The following CD276 variants were observed in gnomAD, a reference collection of about 807,000 sequenced individuals.
CD276 encodes CD276 molecule, also known as CD276 antigen.
Under a neutral mutation model 50.0 loss-of-function variants are expected in CD276, and 34 were observed. The ratio of observed to expected loss-of-function variants is 0.68; its 90% CI spans 0.52 to 0.91. The LOEUF (loss-of-function observed/expected upper bound fraction) is 0.91, where lower values mean the gene tolerates loss of function less well. Ranked by LOEUF, CD276 falls within the 40% of genes least tolerant of loss-of-function variation. CD276 has a pLI of 0.00. For synonymous variants in CD276, 275 were observed against 313.0 expected, an observed-to-expected ratio of 0.88 and a Z score of 1.28; for missense variants, 634 against 717.5, an observed-to-expected ratio of 0.88 and a Z score of 1.33.
chr15:73,710,679 C>T (rs1900860183), intron 8 of CD276, among the ~76,000 whole-genome samples: 1 of 152,240 alleles, frequency 6.6e-6, no homozygotes, highest in South Asian at 2.1e-4. Context: ...GATCAGACCT[C>T]ATTCTTCATG....
Position 73,699,716 on chromosome 15 carries a change from C to T in CD276, c.77C>T (p.Thr26Ile). 1 of 1,602,218 alleles carries T rather than the reference C, an allele frequency of 6.2e-7. No individual in the cohort carries two copies. Among genetic ancestry groups the T allele is most frequent in the Non-Finnish European group, 8.5e-7 (1 of 1,173,780 alleles). The change falls in exon 2 of 10, where the codon ACA (threonine) becomes ATA (isoleucine). Residue 26 changes from threonine (T) to isoleucine (I), a missense_variant and splice_region_variant. Physicochemically the swap from Thr to Ile is moderately conservative, Grantham distance 89 (BLOSUM62 -1). Transcript: ENST00000318443. ...AALGALWFCL[T>I]GALEVQVPED... ...CTGGGAGCACTGTGGTTCTGCCTCA[C>T]AGGTGAGGGTAGCAGCATGGGGACG...
intron 1 of CD276, chr15:73,686,312 C>G: frequency 2.0e-6 from 2 of 984,906 alleles, no homozygotes; most frequent in Non-Finnish European, 2.4e-6. Flanking sequence ...AGGTAAGGAG[C>G]CTGTGTTAAT....
chr15:73,692,935 C>T (rs959676330), intron 1 of CD276, among the ~76,000 whole-genome samples: 2 of 152,234 alleles, frequency 1.3e-5, no homozygotes, highest in Non-Finnish European at 2.9e-5. Flanking sequence ...CTAGTAGGCA[C>T]TTGCATGGCT....
At chr15:73,691,850 G>T (rs1302477745) in intron 1 of CD276, among the ~76,000 whole-genome samples, 2 of 152,220 alleles carry the variant, frequency 1.3e-5, no homozygotes, top group Non-Finnish European at 2.9e-5. Flanking sequence ...ATACGGGGAG[G>T]TGCTCATCTG....
Position 73,713,162 on chromosome 15 carries a change from A to G in CD276, c.*206A>G. 1 of 552,474 alleles carries G rather than the reference A, an allele frequency of 1.8e-6. No homozygotes were observed. Among genetic ancestry groups the G allele is most frequent in the Non-Finnish European group, 3.2e-6 (1 of 313,246 alleles). 34.2% of individuals were successfully genotyped at this position (552,474 alleles called of 1,614,324 possible). Reference sequence around the variant, plus strand: ...AAGTCATCCTGCTGCCTTTTTTCTTATAGACACAATGAACAGACCACCCAC... The same window carrying G: ...AAGTCATCCTGCTGCCTTTTTTCTTGTAGACACAATGAACAGACCACCCAC... On this transcript the variant is annotated 3_prime_UTR_variant, in exon 10 of 10. Coordinates refer to ENST00000318443, the MANE Select transcript of CD276 (RefSeq NM_001024736.2).
rs774579719 is a variant in CD276, at chr15:73,709,691, T to C, written c.1546+2T>C. 1.2e-6 allele frequency: 2 copies of C among 1,611,736 alleles called. No homozygotes were observed. The highest frequency in any genetic ancestry group is 1.7e-6 in the Non-Finnish European group (2 of 1,179,134). On this transcript the variant is annotated splice_donor_variant, in intron 8 of 9. Transcript: ENST00000318443. LOFTEE classifies it high-confidence loss of function. ...GGGAGGGAGAAGGCTCCAAGACAGG[T>C]GAGTCTGAACTTGGAGCTGGCCCTC...
Position 73,699,732 on chromosome 15 carries a change from C to A in CD276, c.79+14C>A. 2 of 1,582,942 alleles carry A rather than the reference C, an allele frequency of 1.3e-6. No homozygotes were observed. The highest frequency in any genetic ancestry group is 1.7e-6 in the Non-Finnish European group (2 of 1,162,900). ...TCTGCCTCACAGGTGAGGGTAGCAGCATGGGGACGGGAGGGGAGGGACAGT... is the reference window on the plus strand; with the variant it reads ...TCTGCCTCACAGGTGAGGGTAGCAGAATGGGGACGGGAGGGGAGGGACAGT... On this transcript the variant is annotated intron_variant, in intron 2 of 9. Coordinates refer to ENST00000318443, the MANE Select transcript of CD276 (RefSeq NM_001024736.2).
At chr15:73,712,850 G>A (rs1900962828) in intron 9 of CD276, 84 bp from the exon 10 acceptor site, 1 of 1,422,674 alleles carries the variant, frequency 7.0e-7, no homozygotes, top group Non-Finnish European at 9.8e-7. Flanking sequence ...AGGTGCTTGG[G>A]CTTCTGGCAT....
intron 1 of CD276, among the ~76,000 whole-genome samples, chr15:73,694,507 A>C (rs1405920104): frequency 1.3e-5 from 2 of 152,174 alleles, no homozygotes; most frequent in African/African-American, 4.8e-5. Context: ...AATAGCAATG[A>C]CTTATGCTGG....
chr15:73,685,580 C>T (rs776276167), intron 1 of CD276, among the ~76,000 whole-genome samples: 9 of 151,890 alleles, frequency 5.9e-5, no homozygotes, highest in Non-Finnish European at 1.0e-4. Flanking sequence ...TGAGTCTGAT[C>T]TCTTCATTAA....
intron 2 of CD276, 56 bp downstream of exon 2, chr15:73,699,774 G>T: frequency 1.3e-6 from 2 of 1,527,296 alleles, no homozygotes; most frequent in Non-Finnish European, 1.8e-6. Context: ...GGCAGTTGGG[G>T]AGGGGGTGCC....
chr15:73,712,154 C>CAA (rs386383477), intron 9 of CD276: 7,239 of 95,818 alleles, frequency 0.076, 474 homozygotes, highest in African/African-American at 0.14. Context: ...GATTCCATCT[C>CAA]AAAAAAAAAA....
Position 73,686,220 on chromosome 15 carries a change from G to A in CD276, c.-55+1760G>A, listed in dbSNP as rs557167288. Reference sequence around the variant, plus strand: ...TTTGGAGTTCTTCCATGTCCTTATGGCATTACTGGTGGTTTCTCCTGCCTG... The same window carrying A: ...TTTGGAGTTCTTCCATGTCCTTATGACATTACTGGTGGTTTCTCCTGCCTG... On this transcript the variant is annotated intron_variant, in intron 1 of 9. Coordinates refer to ENST00000318443, the MANE Select transcript of CD276 (RefSeq NM_001024736.2). 5.2e-3 allele frequency: 4,029 copies of A among 773,824 alleles called. 15 individuals carry two copies. Among genetic ancestry groups the A allele is most frequent in the Admixed American group, 8.6e-3 (138 of 15,994 alleles). The allele number at this position is 773,824 out of a possible 1,614,324, so 47.9% of individuals were successfully genotyped here. A position where few individuals can be genotyped will look rare whatever the true frequency, so the allele number is the denominator to read the frequency against.
intron 1 of CD276, chr15:73,686,179 G>T (rs564635376): frequency 2.8e-6 from 1 of 353,900 alleles, no homozygotes; most frequent in East Asian, 1.7e-4. Context: ...ATGCAGTCAG[G>T]GTCCCATGAC....
rs1243951843 is a variant in CD276, at chr15:73,702,284, C to A, written c.109C>A (p.Pro37Thr). Residue 37 changes from proline (P) to threonine (T), a missense_variant, in exon 3 of 10, where the codon CCA becomes ACA. Transcript: ENST00000318443. ...GALEVQVPEDPVVALVGTDAT... is the reference protein window; with the variant it reads ...GALEVQVPEDTVVALVGTDAT... ...CCTGGAGGTCCAGGTCCCTGAAGAC[C>A]CAGTGGTGGCACTGGTGGGCACCGA... 1.2e-6 allele frequency: 2 copies of A among 1,612,410 alleles called. No individual in the cohort carries two copies. Among genetic ancestry groups the A allele is most frequent in the African/African-American group, 2.7e-5 (2 of 74,906 alleles).
chr15:73,700,472 G>A (rs936372848), intron 2 of CD276, among the ~76,000 whole-genome samples: 1 of 152,148 alleles, frequency 6.6e-6, no homozygotes, highest in Non-Finnish European at 1.5e-5. Flanking sequence ...CTCTACCCAC[G>A]GCTGCTCTGA....
intron 6 of CD276, among the ~76,000 whole-genome samples, chr15:73,707,067 T>C (rs1900677182): frequency 6.6e-6 from 1 of 152,246 alleles, no homozygotes; most frequent in Admixed American, 6.5e-5. Flanking sequence ...ATCCCTGTGC[T>C]TCCAATGGCC....
chr15:73,702,473 C>G lies in CD276; in HGVS notation c.298C>G (p.Leu100Val), dbSNP rs1900437676. 6.2e-7 allele frequency: 1 copy of G among 1,613,588 alleles called. No individual in the cohort carries two copies. Residue 100 changes from leucine (L) to valine (V), a missense_variant, in exon 3 of 10, where the codon CTG (leucine) becomes GTG (valine). Transcript: ENST00000318443. ...ANRTALFPDL[L>V]AQGNASLRLQ... ...CCGCACGGCCCTCTTCCCGGACCTGCTGGCACAGGGCAACGCATCCCTGAG... is the reference window on the plus strand; with the variant it reads ...CCGCACGGCCCTCTTCCCGGACCTGGTGGCACAGGGCAACGCATCCCTGAG...
At chr15:73,691,940 G>GCTGT (rs1900002950) in intron 1 of CD276, among the ~76,000 whole-genome samples, 2 of 152,294 alleles carry the variant, frequency 1.3e-5, no homozygotes, top group South Asian at 4.1e-4. Flanking sequence ...TCTCTGAGAA[G>GCTGT]CTGTCAGGGA....
Sources: gnomAD v4.1 joint callset for allele counts (sites outside exome capture counted in the v4.1 genomes callset) on GRCh38, gnomAD v4.1.1 for gene constraint, MANE v1.5 for transcripts, NCBI Gene and HGNC (gene_info 2026-07-23, HGNC 2026-07-21) for gene names.